SLC44A5: variants seen among roughly 807,000 people sequenced by gnomAD.
SLC44A5 encodes the protein choline transporter-like protein 5.
In SLC44A5, 57 loss-of-function variants were observed where a neutral mutation model predicts 101.8. That is an observed-to-expected ratio of 0.56 (90% CI 0.45 to 0.70). The LOEUF (loss-of-function observed/expected upper bound fraction) is 0.70, where lower values mean the gene tolerates loss of function less well. Among genes scored for constraint, SLC44A5 ranks in the 30% least tolerant of loss-of-function variants. The probability of loss-of-function intolerance (pLI) is 0.00; values close to 1 mark genes in which losing one functional copy is unlikely to be tolerated. For missense variants in SLC44A5, 737 were observed against 853.1 expected (o/e 0.86, Z 1.70); for synonymous variants, 281 against 290.9 (o/e 0.97, Z 0.35).
At chr1:75,323,273 A>T (rs61798677) in intron 4 of SLC44A5, among the ~76,000 whole-genome samples, 237 of 129,782 alleles carry the variant, frequency 1.8e-3, no homozygotes, top group South Asian at 4.2e-3. Context: ...ACATGAACTC[A>T]TCATTTTTTA....
At chr1:75,623,042 A>C in the SLC44A5 span, among the ~76,000 whole-genome samples, 3 of 152,126 alleles carry the variant, frequency 2.0e-5, no homozygotes, top group African/African-American at 7.2e-5. Context: ...ACATTTATTC[A>C]ACAAATATGC....
intron 4 of SLC44A5, among the ~76,000 whole-genome samples, chr1:75,303,965 AT>A (rs1444198659): frequency 1.3e-5 from 2 of 152,234 alleles, no homozygotes; most frequent in African/African-American, 4.8e-5. Context: ...AATTAAAAAA[AT>A]ATATCTCAGT....
chr1:75,526,642 G>C (rs1293992771), intron 2 of SLC44A5, among the ~76,000 whole-genome samples: 2 of 152,172 alleles, frequency 1.3e-5, no homozygotes, highest in Non-Finnish European at 2.9e-5. Context: ...ATCTTTCTGA[G>C]AGGCTAACAG....
the SLC44A5 span, among the ~76,000 whole-genome samples, chr1:75,698,868 G>A: frequency 1.2e-4 from 19 of 152,206 alleles, no homozygotes; most frequent in Non-Finnish European, 2.2e-4. Context: ...AGAAGCCTCA[G>A]GAGCCAATGC....
intron 2 of SLC44A5, among the ~76,000 whole-genome samples, chr1:75,496,987 T>G (rs191137897): frequency 6.6e-6 from 1 of 152,102 alleles, no homozygotes; most frequent in East Asian, 1.9e-4. Flanking sequence ...AAATAAGTGT[T>G]TATGAGAATG....
intron 2 of SLC44A5, among the ~76,000 whole-genome samples, chr1:75,459,339 G>A (rs1288456732): frequency 6.6e-6 from 1 of 152,136 alleles, no homozygotes; most frequent in African/African-American, 2.4e-5. Flanking sequence ...TTTACATACA[G>A]TAAAAATTTA....
At chr1:75,717,618 TA>T in the SLC44A5 span, among the ~76,000 whole-genome samples, 7 of 152,074 alleles carry the variant, frequency 4.6e-5, no homozygotes, top group African/African-American at 1.7e-4. Flanking sequence ...ATAATTTTTT[TA>T]AAAAAATAAG....
At chr1:75,471,973 C>G (rs1172316554) in intron 2 of SLC44A5, among the ~76,000 whole-genome samples, 1 of 150,412 alleles carries the variant, frequency 6.6e-6, no homozygotes, top group Non-Finnish European at 1.5e-5. Flanking sequence ...GGAAGGAACT[C>G]TCAGGTTTCT....
At chr1:75,474,624 C>T (rs1257916817) in intron 2 of SLC44A5, among the ~76,000 whole-genome samples, 2 of 152,068 alleles carry the variant, frequency 1.3e-5, no homozygotes, top group African/African-American at 4.8e-5. Context: ...AATTAGTAGT[C>T]CAAGTTAATT....
intron 4 of SLC44A5, among the ~76,000 whole-genome samples, chr1:75,333,565 A>T (rs984739241): frequency 7.2e-5 from 11 of 151,848 alleles, no homozygotes; most frequent in Middle Eastern, 3.4e-3. Flanking sequence ...GAGATTTTTT[A>T]AAAAGTATTA....
rs190683933 is a variant in SLC44A5, at chr1:75,207,418, T to C, written c.2048-3585A>G. Among the ~76,000 whole-genome samples the C allele has an allele frequency of 5.3e-5, 8 of 152,300 alleles. No homozygotes were observed. The East Asian group carries it at 1.4e-3, about 26-fold the overall frequency. The stretch of plus-strand genomic sequence containing the variant: ...TTTGCTTAGGCTAATATTAAATTGA[T>C]GGCATGTTCACTGACCACCCACCTG... On this transcript the variant is annotated intron_variant, in intron 23 of 23. Coordinates refer to ENST00000370859, the MANE Select transcript of SLC44A5 (RefSeq NM_001130058.2).
intron 3 of SLC44A5, among the ~76,000 whole-genome samples, chr1:75,356,918 T>C (rs1253852810): frequency 6.6e-6 from 1 of 152,226 alleles, no homozygotes; most frequent in East Asian, 1.9e-4. Context: ...CAGTAGATTA[T>C]ACCATATGGC....
chr1:75,594,843 G>A (rs1674548017), intron 1 of SLC44A5, among the ~76,000 whole-genome samples: 1 of 151,442 alleles, frequency 6.6e-6, no homozygotes, highest in Admixed American at 6.6e-5. Context: ...GTAACAACCT[G>A]AAAATAAAGT....
chr1:75,394,453 G>A lies in SLC44A5; in HGVS notation c.52+2130C>T, dbSNP rs1397976267. Among the ~76,000 whole-genome samples the A allele has an allele frequency of 3.9e-5, 6 of 152,018 alleles. No individual in the cohort carries two copies. In the South Asian group the frequency reaches 6.2e-4, roughly 16 times the overall value. On this transcript the variant is annotated intron_variant, in intron 3 of 23. Transcript: ENST00000370859. ...CATTTTTTTTAAATAAATTTCAGGC[G>A]GCTGTATTAAGGCATATTTACATGT...
At chr1:75,652,549 C>T in the SLC44A5 span, among the ~76,000 whole-genome samples, 1 of 152,226 alleles carries the variant, frequency 6.6e-6, no homozygotes, top group Non-Finnish European at 1.5e-5. Flanking sequence ...AATCCCAACA[C>T]TTTGGGAGGC....
chr1:75,589,331 G>C (rs1175398244), intron 1 of SLC44A5, among the ~76,000 whole-genome samples: 1 of 152,190 alleles, frequency 6.6e-6, no homozygotes, highest in Non-Finnish European at 1.5e-5. Context: ...TTCCTTATCT[G>C]CTAAGGGAGT....
the SLC44A5 span, among the ~76,000 whole-genome samples, chr1:75,659,492 G>GGAAGGAAGGAA: frequency 2.2e-5 from 1 of 46,034 alleles, no homozygotes; most frequent in Non-Finnish European, 6.8e-5. Flanking sequence ...AAGGAAGGAA[G>GGAAGGAAGGAA]GCAGGCAGGC....
chr1:75,242,033 T>G lies in SLC44A5; in HGVS notation c.500A>C (p.Asp167Ala). Reference sequence around the variant, plus strand: ...GCTGGGAAAAATCGCTGTTGGACAATCATCATCCAGTAAAAGCTGTGTGAG... The same window carrying G: ...GCTGGGAAAAATCGCTGTTGGACAAGCATCATCCAGTAAAAGCTGTGTGAG... ...KSLTQLLLDD[D>A]CPTAIFPSKP... Residue 167 changes from aspartate to alanine, a missense_variant, in exon 9 of 24, where the codon GAT becomes GCT. Coordinates refer to ENST00000370859, the MANE Select transcript of SLC44A5 (RefSeq NM_001130058.2). 1 of 1,612,394 alleles carries G rather than the reference T, an allele frequency of 6.2e-7. No homozygotes were observed. Among genetic ancestry groups the G allele is most frequent in the South Asian group, 1.1e-5 (1 of 91,024 alleles).
chr1:75,538,953 A>C lies in SLC44A5; in HGVS notation c.13+2482T>G, dbSNP rs1175308875. Among the ~76,000 whole-genome samples, 6 of 152,162 alleles carry C rather than the reference A, an allele frequency of 3.9e-5. No homozygotes were observed. In the South Asian group the frequency reaches 1.2e-3, roughly 32 times the overall value. The stretch of plus-strand genomic sequence containing the variant: ...AGTGGCACATTCTGAAAGGTATCCA[A>C]GACATTTGCTTGCCCCAGGAGCACC... On this transcript the variant is annotated intron_variant, in intron 2 of 23. Transcript: ENST00000370859.
Sources: allele counts gnomAD v4.1 joint callset (sites outside exome capture counted in the v4.1 genomes callset), GRCh38; gene constraint gnomAD v4.1.1; transcripts MANE v1.5; gene names NCBI Gene and HGNC (gene_info 2026-07-23, HGNC 2026-07-21).